Variants in CNTNAP2 observed in about 807,000 individuals in gnomAD.
CNTNAP2 encodes contactin associated protein 2.
In CNTNAP2, 98 loss-of-function variants were observed where a neutral mutation model predicts 155.2. The ratio of observed to expected loss-of-function variants is 0.63; its 90% CI spans 0.54 to 0.75. The LOEUF is 0.75. CNTNAP2 is among the 30% of genes least tolerant of loss of function. The pLI is 0.00. For synonymous variants in CNTNAP2, 651 were observed against 631.2 expected, an observed-to-expected ratio of 1.03 and a Z score of -0.47; for missense variants, 1,727 against 1,688.1, an observed-to-expected ratio of 1.02 and a Z score of -0.40.
chr7:148,127,315 G>A (rs1253134613), intron 16 of CNTNAP2, among the ~76,000 whole-genome samples: 1 of 152,146 alleles, frequency 6.6e-6, no homozygotes, highest in Non-Finnish European at 1.5e-5. Flanking sequence ...TAAGATTTTA[G>A]AGGACATTTG....
At chr7:147,856,668 T>G (rs1799045815) in intron 13 of CNTNAP2, among the ~76,000 whole-genome samples, 1 of 151,680 alleles carries the variant, frequency 6.6e-6, no homozygotes, top group South Asian at 2.1e-4. Flanking sequence ...TTTGTTCGTA[T>G]AAGTCAAAAA....
intron 1 of CNTNAP2, among the ~76,000 whole-genome samples, chr7:146,284,564 A>G (rs1490010925): frequency 6.6e-6 from 1 of 152,230 alleles, no homozygotes; most frequent in Non-Finnish European, 1.5e-5. Flanking sequence ...TTAGTTGCAC[A>G]CAATCTACTT....
intron 4 of CNTNAP2, among the ~76,000 whole-genome samples, chr7:147,046,801 G>A (rs895101022): frequency 4.6e-5 from 7 of 152,074 alleles, no homozygotes; most frequent in African/African-American, 9.6e-5. Context: ...AGGCCAAGGA[G>A]GGCGGATCAC....
At chr7:148,070,649 C>A (rs188004864) in intron 15 of CNTNAP2, among the ~76,000 whole-genome samples, 351 of 151,560 alleles carry the variant, frequency 2.3e-3, no homozygotes, top group African/African-American at 8.2e-3. Flanking sequence ...ACCCAGGAGG[C>A]AAAGGTTGCA....
At chr7:147,686,467 G>T (rs1282157279) in intron 13 of CNTNAP2, among the ~76,000 whole-genome samples, 1 of 152,044 alleles carries the variant, frequency 6.6e-6, no homozygotes, top group African/African-American at 2.4e-5. Flanking sequence ...TTTCAGAGAA[G>T]AGGTGTATAC....
intron 8 of CNTNAP2, among the ~76,000 whole-genome samples, chr7:147,203,383 C>G (rs558185697): frequency 3.2e-4 from 48 of 152,242 alleles, no homozygotes; most frequent in Non-Finnish European, 2.9e-5. Context: ...AGGTACCCAC[C>G]ACCATGCCCA....
Position 147,121,133 on chromosome 7 carries a change from A to C in CNTNAP2, c.909A>C (p.Gly303=). 1 of 1,614,150 alleles carries C rather than the reference A, an allele frequency of 6.2e-7. No individual in the cohort carries two copies. Among genetic ancestry groups the C allele is most frequent in the Non-Finnish European group, 8.5e-7 (1 of 1,180,010 alleles). Residue 303 remains glycine, a synonymous_variant, in exon 6 of 24, where the codon GGA becomes GGC. Coordinates refer to ENST00000361727, the MANE Select transcript of CNTNAP2 (RefSeq NM_014141.6). ...DRSMQHFRTN[G]EFDYLDLDYE... is the part of the protein sequence containing the mutation. ...GCATGCAGCACTTCCGTACCAATGG[A>C]GAGTTTGACTACCTGGACTTGGACT...
At chr7:146,919,935 T>C (rs1796467659) in intron 3 of CNTNAP2, among the ~76,000 whole-genome samples, 1 of 152,194 alleles carries the variant, frequency 6.6e-6, no homozygotes, top group Admixed American at 6.5e-5. Flanking sequence ...AAGTGGGAGC[T>C]GCAAGTTGGT....
At chr7:148,172,832 T>C (rs1794848123) in intron 18 of CNTNAP2, among the ~76,000 whole-genome samples, 3 of 152,150 alleles carry the variant, frequency 2.0e-5, no homozygotes, top group South Asian at 2.1e-4. Flanking sequence ...GGATCTCCAA[T>C]AGATCAATTG....
chr7:146,277,976 G>C (rs1248891779), intron 1 of CNTNAP2, among the ~76,000 whole-genome samples: 1 of 152,122 alleles, frequency 6.6e-6, no homozygotes, highest in African/African-American at 2.4e-5. Context: ...AAAATCATTT[G>C]GGTTATCATC....
chr7:146,511,498 G>C (rs1319360362), intron 1 of CNTNAP2, among the ~76,000 whole-genome samples: 1 of 152,078 alleles, frequency 6.6e-6, no homozygotes, highest in Non-Finnish European at 1.5e-5. Context: ...TATCCTGAAA[G>C]GGTGTATTAT....
At chr7:147,886,201 A>G (rs917594833) in intron 13 of CNTNAP2, among the ~76,000 whole-genome samples, 1 of 152,150 alleles carries the variant, frequency 6.6e-6, no homozygotes, top group African/African-American at 2.4e-5. Context: ...GGCTGGGCGC[A>G]GTGGCTCACG....
chr7:147,943,374 A>G (rs2707577), intron 14 of CNTNAP2, among the ~76,000 whole-genome samples: 38,247 of 152,064 alleles, frequency 0.25, 5,215 homozygotes, highest in African/African-American at 0.32. Flanking sequence ...ATTTAAACCA[A>G]CAATTTTTTT....
chr7:146,570,507 C>T (rs1276061282), intron 1 of CNTNAP2, among the ~76,000 whole-genome samples: 2 of 152,086 alleles, frequency 1.3e-5, no homozygotes, highest in East Asian at 1.9e-4. Context: ...AGGCCTTAGA[C>T]ATTTTTATGT....
At chr7:147,166,167 G>GAGAT (rs74539860) in intron 8 of CNTNAP2, among the ~76,000 whole-genome samples, 6,495 of 152,054 alleles carry the variant, frequency 0.043, 176 homozygotes, top group African/African-American at 0.079. Context: ...AAGAAATTAT[G>GAGAT]AGATAGATAG....
At chr7:147,848,634 A>G (rs1300895440) in intron 13 of CNTNAP2, among the ~76,000 whole-genome samples, 1 of 150,860 alleles carries the variant, frequency 6.6e-6, no homozygotes, top group African/African-American at 2.4e-5. Context: ...CTTCAGTTGC[A>G]TTTCAAGTAT....
intron 10 of CNTNAP2, among the ~76,000 whole-genome samples, chr7:147,470,580 T>A (rs1798200499): frequency 1.3e-5 from 2 of 151,984 alleles, no homozygotes; most frequent in Admixed American, 1.3e-4. Flanking sequence ...GATAGTGTCT[T>A]GGATTGGGGT....
At chr7:146,787,235 C>T (rs1802589529) in intron 2 of CNTNAP2, among the ~76,000 whole-genome samples, 1 of 152,176 alleles carries the variant, frequency 6.6e-6, no homozygotes, top group East Asian at 1.9e-4. Flanking sequence ...AAATCACGTG[C>T]TTCTGAGGTG....
chr7:146,551,047 C>T (rs1225307078), intron 1 of CNTNAP2, among the ~76,000 whole-genome samples: 1 of 152,044 alleles, frequency 6.6e-6, no homozygotes, highest in Non-Finnish European at 1.5e-5. Context: ...ATTTTAGATT[C>T]TTCACCAAGG....
Sources: gnomAD v4.1 joint callset for allele counts (sites outside exome capture counted in the v4.1 genomes callset) on GRCh38, gnomAD v4.1.1 for gene constraint, MANE v1.5 for transcripts, NCBI Gene and HGNC (gene_info 2026-07-23, HGNC 2026-07-21) for gene names.